HACD4: variants seen among roughly 807,000 people sequenced by gnomAD.
HACD4 encodes very-long-chain (3R)-3-hydroxyacyl-CoA dehydratase 4.
A neutral mutation model predicts 33.3 loss-of-function variants in HACD4; 35 were observed. That is an observed-to-expected ratio of 1.05 (90% CI 0.80 to 1.39). HACD4 has a LOEUF of 1.39. Ranked by LOEUF, HACD4 falls within the 40% of genes most tolerant of loss-of-function variation. The pLI is 0.00. For synonymous variants in HACD4, 118 were observed against 98.0 expected (o/e 1.20, Z -1.21); for missense variants, 323 against 276.5 (o/e 1.17, Z -1.19).
intron 3 of HACD4, among the ~76,000 whole-genome samples, chr9:21,016,853 G>A (rs985730466): frequency 6.6e-6 from 1 of 151,016 alleles, no homozygotes; most frequent in African/African-American, 2.4e-5. Context: ...AAAATGAAAA[G>A]AATTCAATAT....
At position 21,006,857 on chromosome 9, in the gene HACD4, ATAC is replaced by A. The variant is rs1842282489; in HGVS notation, c.*177_*179del. On this transcript the variant is annotated 3_prime_UTR_variant, in exon 7 of 7. Transcript: ENST00000495827. The surrounding 1 kb of genome is among the most constrained non-coding windows in gnomAD (Gnocchi z 4.6). ...TATGGAGAATATATATGTCTTAAAA[ATAC>A]AATGTGTGAAAAACATAGCCTGTTA... 3 of 608,834 alleles carry A rather than the reference ATAC, an allele frequency of 4.9e-6. No homozygotes were observed. The Admixed American group carries it at 8.8e-5, about 18-fold the overall frequency. The allele number at this position is 608,834 out of a possible 1,614,324, so 37.7% of individuals were successfully genotyped here.
rs368230327 is a variant in HACD4, at chr9:21,015,972, G to A, written c.309C>T (p.Thr103=). 9 of 1,612,850 alleles carry A rather than the reference G, an allele frequency of 5.6e-6. No homozygotes were observed. Among genetic ancestry groups the A allele is most frequent in the African/African-American group, 1.3e-5 (1 of 74,836 alleles). ...ERIIILFVVI[T]SQEEVQEKYV... ...ATTTCTCTTGGACTTCCTCTTGACT[G>A]GTGATCACCACAAAAAGGATGATTA... is the stretch of plus-strand genomic sequence containing the variant. Residue 103 remains threonine, a synonymous_variant, in exon 4 of 7, where the codon ACC becomes ACT. Transcript: ENST00000495827.
At chr9:21,023,826 C>T (rs1817993835) in intron 3 of HACD4, among the ~76,000 whole-genome samples, 1 of 152,174 alleles carries the variant, frequency 6.6e-6, no homozygotes, top group Non-Finnish European at 1.5e-5. Flanking sequence ...CCGACCGCCT[C>T]AGCCTCCCAA....
intron 5 of HACD4, among the ~76,000 whole-genome samples, chr9:21,008,453 G>A (rs570256013): frequency 1.8e-4 from 28 of 152,178 alleles, no homozygotes; most frequent in Middle Eastern, 6.8e-3. Flanking sequence ...CCACAAATAG[G>A]GGTGATAGAG....
chr9:21,018,085 G>T, intron 3 of HACD4, among the ~76,000 whole-genome samples: 1 of 152,044 alleles, frequency 6.6e-6, no homozygotes, highest in East Asian at 1.9e-4. Flanking sequence ...CTCTATATTC[G>T]GTGTCAATCT....
At position 21,005,741 on chromosome 9, in the gene HACD4, C is replaced by G. The variant is rs1309074125; in HGVS notation, c.*1296G>C. The G allele has an allele frequency of 3.9e-5, 6 of 152,220 alleles. No homozygotes were observed. Among genetic ancestry groups the G allele is most frequent in the East Asian group, 1.9e-4 (1 of 5,198 alleles). 9.4% of individuals were successfully genotyped at this position (152,220 alleles called of 1,614,324 possible). ...ATAGTCCTGGGGGCAATACCTCTGCCTCACTGGGTCCTGAAGCCAGAGTAT... is the reference window on the plus strand; with the variant it reads ...ATAGTCCTGGGGGCAATACCTCTGCGTCACTGGGTCCTGAAGCCAGAGTAT... On this transcript the variant is annotated 3_prime_UTR_variant, in exon 7 of 7. Coordinates refer to ENST00000495827, the MANE Select transcript of HACD4 (RefSeq NM_001010915.5). The surrounding 1 kb of genome is among the most constrained non-coding windows in gnomAD (Gnocchi z 4.0).
chr9:21,027,742 A>G (rs10811454), intron 2 of HACD4, among the ~76,000 whole-genome samples: 92,372 of 152,112 alleles, frequency 0.61, 28,696 homozygotes, highest in South Asian at 0.69. Flanking sequence ...TTGTACTGAA[A>G]CCACACTTAG....
intron 1 of HACD4, among the ~76,000 whole-genome samples, chr9:21,031,241 G>T (rs1359026512): frequency 6.6e-6 from 1 of 152,206 alleles, no homozygotes; most frequent in Non-Finnish European, 1.5e-5. Flanking sequence ...CTGCGTCTGA[G>T]AAAGTCAAGA....
chr9:21,023,503 T>A (rs1817981588), intron 3 of HACD4, among the ~76,000 whole-genome samples: 1 of 152,160 alleles, frequency 6.6e-6, no homozygotes, highest in African/African-American at 2.4e-5. Context: ...CTACTGTTGG[T>A]TGGAATTATT....
chr9:21,025,287 C>T (rs1196492863), intron 3 of HACD4, among the ~76,000 whole-genome samples: 1 of 152,084 alleles, frequency 6.6e-6, no homozygotes, highest in African/African-American at 2.4e-5. Flanking sequence ...ATGCTCAGTT[C>T]TTAAAAGGCT....
At chr9:21,009,121 GA>G (rs1842346802) in intron 5 of HACD4, among the ~76,000 whole-genome samples, 1 of 152,096 alleles carries the variant, frequency 6.6e-6, no homozygotes, top group Non-Finnish European at 1.5e-5. Context: ...ATATCTGTCA[GA>G]TGGGAAATTA....
chr9:21,011,502 G>A, intron 5 of HACD4, 87 bp downstream of exon 5: 7 of 798,502 alleles, frequency 8.8e-6, no homozygotes, highest in East Asian at 2.5e-5. Flanking sequence ...CGCAAAAATA[G>A]TAATTTAATC....
At chr9:21,015,849 T>A (rs533248026) in intron 4 of HACD4, 49 bp downstream of exon 4, 1 of 1,208,416 alleles carries the variant, frequency 8.3e-7, no homozygotes, top group Non-Finnish European at 1.2e-6. Flanking sequence ...CTGGTTTCAC[T>A]GCAGAAAGCA....
At chr9:21,017,356 TTCAAACCTTAG>T (rs1218528881) in intron 3 of HACD4, among the ~76,000 whole-genome samples, 5 of 152,192 alleles carry the variant, frequency 3.3e-5, no homozygotes, top group African/African-American at 1.2e-4. Flanking sequence ...TTATATATGA[TTCAAACCTTAG>T]TCAAACCATG....
intron 3 of HACD4, among the ~76,000 whole-genome samples, chr9:21,023,834 C>T (rs1414558965): frequency 6.6e-6 from 1 of 152,198 alleles, no homozygotes; most frequent in African/African-American, 2.4e-5. Context: ...CTCAGCCTCC[C>T]AAAGTGCTGG....
At position 21,005,044 on chromosome 9, in the gene HACD4, C is replaced by CTGA. The variant is rs1369521967; in HGVS notation, c.*1990_*1992dup. On this transcript the variant is annotated 3_prime_UTR_variant, in exon 7 of 7. Transcript: ENST00000495827. This position sits in a 1 kb window ranked among gnomAD's most constrained non-coding sequence, Gnocchi z 4.0. ...GTAGACATGGACAATAAAGGCCATTCTGATGAAGTCTCAAATGAAAATGAG... is the reference window on the plus strand; with the variant it reads ...GTAGACATGGACAATAAAGGCCATTCTGATGATGAAGTCTCAAATGAAAATGAG... 6.6e-6 allele frequency: 1 copy of CTGA among 152,084 alleles called. No individual in the cohort carries two copies. The highest frequency in any genetic ancestry group is 1.9e-4 in the East Asian group (1 of 5,188). 9.4% of individuals were successfully genotyped at this position (152,084 alleles called of 1,614,324 possible). A position where few individuals can be genotyped will look rare whatever the true frequency, so the allele number is the denominator to read the frequency against.
In HACD4 at chr9:21,031,541, C is replaced by G. The variant is rs1337688315; in HGVS notation, c.38+12G>C. ...GCGCCCCCTCCCCTCGGGATTCGGC[C>G]GAGCGCCCTACCTGGGCTGCAGCCA... On this transcript the variant is annotated intron_variant, in intron 1 of 6. Transcript: ENST00000495827. 3.4e-6 allele frequency: 5 copies of G among 1,464,610 alleles called. No homozygotes were observed. Among genetic ancestry groups the G allele is most frequent in the East Asian group, 3.0e-5 (1 of 33,550 alleles). The allele number at this position is 1,464,610 out of a possible 1,614,324, so 90.7% of individuals were successfully genotyped here. A position where few individuals can be genotyped will look rare whatever the true frequency, so the allele number is the denominator to read the frequency against.
Position 21,023,926 on chromosome 9 carries a change from G to C in HACD4, c.270+2670C>G, listed in dbSNP as rs563838632. ...ATCAAAATCACATCACAACTGTATC[G>C]ACATGGTTTTTTAGCTTACTTAAAA... is the stretch of plus-strand genomic sequence containing the variant. On this transcript the variant is annotated intron_variant, in intron 3 of 6. Coordinates refer to ENST00000495827, the MANE Select transcript of HACD4 (RefSeq NM_001010915.5). Among the ~76,000 whole-genome samples the C allele has an allele frequency of 1.2e-4, 19 of 152,262 alleles. No individual in the cohort carries two copies. In the South Asian group the frequency reaches 3.9e-3, roughly 32 times the overall value.
At chr9:21,014,842 T>C (rs1044547065) in intron 4 of HACD4, among the ~76,000 whole-genome samples, 1 of 152,206 alleles carries the variant, frequency 6.6e-6, no homozygotes, top group African/African-American at 2.4e-5. Flanking sequence ...AATCTTCCTA[T>C]GACAGCATGC....
Sources: gnomAD v4.1 joint callset for allele counts (sites outside exome capture counted in the v4.1 genomes callset) on GRCh38, gnomAD v4.1.1 for gene constraint, Gnocchi (gnomAD v3.1) non-coding constraint, MANE v1.5 for transcripts, NCBI Gene and HGNC (gene_info 2026-07-23, HGNC 2026-07-21) for gene names.